Variants in TRIM75 observed in about 807,000 individuals in gnomAD.
TRIM75 encodes tripartite motif containing 75.
the TRIM75 span, among the ~76,000 whole-genome samples, chr4:165,054,517 G>A: frequency 1.2e-3 from 177 of 151,910 alleles, 1 homozygote; most frequent in African/African-American, 4.2e-3. Context: ...TCCACCCGCC[G>A]TGGCCTCCCA....
At chr4:165,059,337 C>A in the TRIM75 span, 1 of 780,460 alleles carries the variant, frequency 1.3e-6, no homozygotes, top group Non-Finnish European at 2.4e-6. Context: ...TCAAGAGGGG[C>A]ACTTCAGGAG....
chr4:165,058,182 A>G, the TRIM75 span, among the ~76,000 whole-genome samples: 1 of 151,310 alleles, frequency 6.6e-6, no homozygotes, highest in Non-Finnish European at 1.5e-5. Context: ...TTTTTTTCTA[A>G]TTAGAGACAA....
At chr4:165,057,619 C>T in the TRIM75 span, among the ~76,000 whole-genome samples, 71 of 151,998 alleles carry the variant, frequency 4.7e-4, no homozygotes, top group Non-Finnish European at 7.9e-4. Flanking sequence ...CTGCAACCGC[C>T]GCCTCCTGGG....
chr4:165,056,602 C>CTGTCTCT, the TRIM75 span, among the ~76,000 whole-genome samples: 9 of 69,996 alleles, frequency 1.3e-4, no homozygotes, highest in African/African-American at 4.0e-4. Context: ...GTCTCTGTCT[C>CTGTCTCT]TTTTTTTTTT....
chr4:165,053,913 G>A, the TRIM75 span, among the ~76,000 whole-genome samples: 3 of 151,466 alleles, frequency 2.0e-5, no homozygotes, highest in East Asian at 1.9e-4. Flanking sequence ...CCTTTTGCAC[G>A]GATAAAGGAC....
the TRIM75 span, chr4:165,059,123 G>T: frequency 2.7e-6 from 2 of 743,632 alleles, no homozygotes; most frequent in South Asian, 1.5e-5. Context: ...AGCCCACCTT[G>T]GTCGAGACCT....
the TRIM75 span, among the ~76,000 whole-genome samples, chr4:165,056,602 CTTTTTTT>C: frequency 2.6e-4 from 18 of 69,988 alleles, no homozygotes; most frequent in East Asian, 1.8e-3. Flanking sequence ...GTCTCTGTCT[CTTTTTTT>C]TTTTTTTTTT....
chr4:165,059,300 C>T, the TRIM75 span: 1 of 780,440 alleles, frequency 1.3e-6, no homozygotes, highest in Admixed American at 1.7e-5. Context: ...AGGAATTGTT[C>T]CCTTGCCCTG....
At chr4:165,060,211 T>G in the TRIM75 span, 1 of 780,880 alleles carries the variant, frequency 1.3e-6, no homozygotes, top group Non-Finnish European at 2.4e-6. Context: ...GAGATTGAAG[T>G]GGGGGATAAG....
chr4:165,057,617 G>A, the TRIM75 span, among the ~76,000 whole-genome samples: 3 of 151,702 alleles, frequency 2.0e-5, no homozygotes, highest in Admixed American at 6.6e-5. Flanking sequence ...CACTGCAACC[G>A]CCGCCTCCTG....
chr4:165,060,404 T>C, the TRIM75 span: 3 of 780,802 alleles, frequency 3.8e-6, no homozygotes, highest in African/African-American at 3.4e-5. Context: ...TCCTGGACTA[T>C]GAGATGGGTG....
chr4:165,058,375 G>A, the TRIM75 span, among the ~76,000 whole-genome samples: 1 of 150,834 alleles, frequency 6.6e-6, no homozygotes, highest in Non-Finnish European at 1.5e-5. Flanking sequence ...TTTATTTTTT[G>A]TAGAGATGGG....
the TRIM75 span, chr4:165,059,818 C>T: frequency 1.3e-6 from 1 of 780,880 alleles, no homozygotes; most frequent in East Asian, 2.4e-5. Context: ...ACAGCATTTT[C>T]AAACTACAGT....
At chr4:165,054,416 T>C in the TRIM75 span, among the ~76,000 whole-genome samples, 1 of 152,026 alleles carries the variant, frequency 6.6e-6, no homozygotes, top group African/African-American at 2.4e-5. Context: ...TACAGGCATG[T>C]GCCACCATGC....
chr4:165,060,298 G>T, the TRIM75 span: 3 of 780,928 alleles, frequency 3.8e-6, no homozygotes, highest in South Asian at 2.7e-5. Context: ...CAGCAGGAAT[G>T]TTGGAGAATT....
chr4:165,059,375 A>G, the TRIM75 span: 2 of 780,600 alleles, frequency 2.6e-6, no homozygotes, highest in African/African-American at 3.4e-5. Context: ...GGATGATTGA[A>G]ATTGCCAAGC....
chr4:165,054,024 T>G, the TRIM75 span, among the ~76,000 whole-genome samples: 1 of 152,122 alleles, frequency 6.6e-6, no homozygotes, highest in African/African-American at 2.4e-5. Flanking sequence ...GAGCACCTGC[T>G]CTGTGCCTAG....
the TRIM75 span, among the ~76,000 whole-genome samples, chr4:165,056,233 AG>A: frequency 1.3e-5 from 2 of 152,148 alleles, no homozygotes; most frequent in Admixed American, 6.6e-5. Flanking sequence ...CAGGAGTTCA[AG>A]ATCAGCCTGG....
chr4:165,059,991 T>C, the TRIM75 span: 1 of 778,138 alleles, frequency 1.3e-6, no homozygotes, highest in Non-Finnish European at 2.4e-6. Context: ...TCCTCCCCAA[T>C]ATTCTGCTCT....
Sources: allele counts gnomAD v4.1 joint callset (sites outside exome capture counted in the v4.1 genomes callset), GRCh38; gene constraint gnomAD v4.1.1; transcripts MANE v1.5; gene names NCBI Gene and HGNC (gene_info 2026-07-23, HGNC 2026-07-21).